GRM7: variants seen among roughly 807,000 people sequenced by gnomAD.
GRM7 encodes glutamate metabotropic receptor 7, also known as metabotropic glutamate receptor 7.
A neutral mutation model predicts 84.5 loss-of-function variants in GRM7; 35 were observed. That is an observed-to-expected ratio of 0.41 (90% confidence interval 0.32 to 0.55). The LOEUF (loss-of-function observed/expected upper bound fraction) is 0.55. Ranked by LOEUF, GRM7 falls within the 20% of genes least tolerant of loss-of-function variation. GRM7 has a pLI of 0.19. For missense variants in GRM7, 1,003 were observed against 1,194.6 expected (o/e 0.84, Z 2.36); for synonymous variants, 487 against 455.1 (o/e 1.07, Z -0.89).
At chr3:7,588,609 A>T (rs1695629000) in intron 8 of GRM7, among the ~76,000 whole-genome samples, 1 of 152,178 alleles carries the variant, frequency 6.6e-6, no homozygotes, top group Non-Finnish European at 1.5e-5. Flanking sequence ...GGTCACAAAT[A>T]GTCAATAGAG....
intron 4 of GRM7, among the ~76,000 whole-genome samples, chr3:7,381,084 A>G (rs1304994051): frequency 6.6e-6 from 1 of 152,230 alleles, no homozygotes; most frequent in African/African-American, 2.4e-5. Context: ...TCGTCAGTAG[A>G]GGGCTCAAAG....
At chr3:7,717,939 C>T (rs1701821490) in intron 9 of GRM7, among the ~76,000 whole-genome samples, 1 of 152,230 alleles carries the variant, frequency 6.6e-6, no homozygotes, top group African/African-American at 2.4e-5. Flanking sequence ...ATTAAATCTG[C>T]TCAGTTCCTT....
chr3:7,277,263 A>G (rs1699106906), intron 2 of GRM7, among the ~76,000 whole-genome samples: 1 of 152,144 alleles, frequency 6.6e-6, no homozygotes, highest in Admixed American at 6.6e-5. Context: ...AAACCTTTGA[A>G]GAAAATGAAA....
intron 4 of GRM7, among the ~76,000 whole-genome samples, chr3:7,359,252 G>C (rs1693555533): frequency 7.0e-6 from 1 of 142,776 alleles, no homozygotes; most frequent in Non-Finnish European, 1.5e-5. Context: ...GTGTGTGTGT[G>C]TGTTGTGGTT....
At chr3:6,896,365 T>A (rs1392291750) in intron 1 of GRM7, among the ~76,000 whole-genome samples, 4 of 152,210 alleles carry the variant, frequency 2.6e-5, no homozygotes, top group Non-Finnish European at 5.9e-5. Context: ...AAAATAATTT[T>A]TACCTATCAT....
chr3:7,202,271 G>A (rs1382077853), intron 2 of GRM7, among the ~76,000 whole-genome samples: 5 of 151,990 alleles, frequency 3.3e-5, no homozygotes, highest in Non-Finnish European at 5.9e-5. Flanking sequence ...CCTGTTTATT[G>A]CCATTCCTCA....
chr3:7,189,588 T>C (rs1301608404), intron 2 of GRM7, among the ~76,000 whole-genome samples: 1 of 152,132 alleles, frequency 6.6e-6, no homozygotes, highest in Non-Finnish European at 1.5e-5. Flanking sequence ...TAGCAACAGC[T>C]GATTATAGAT....
chr3:7,160,293 A>G (rs1694583640), intron 2 of GRM7, among the ~76,000 whole-genome samples: 1 of 152,140 alleles, frequency 6.6e-6, no homozygotes, highest in South Asian at 2.1e-4. Flanking sequence ...GTGAGCTGGT[A>G]AAGGTTATTG....
intron 1 of GRM7, among the ~76,000 whole-genome samples, chr3:7,035,891 G>A (rs897553926): frequency 6.6e-6 from 1 of 152,182 alleles, no homozygotes; most frequent in Non-Finnish European, 1.5e-5. Flanking sequence ...ACTTAAATTG[G>A]TATTTTATCT....
chr3:7,579,261 C>T lies in GRM7; in HGVS notation c.2355C>T (p.Asn785=), dbSNP rs755076568. The change falls in exon 8 of 10, where the codon AAC becomes AAT. Residue 785 remains asparagine, a synonymous_variant. Coordinates refer to ENST00000357716, the MANE Select transcript of GRM7 (RefSeq NM_000844.4). ...CTCGGGGTGTACCCGAGAATTTTAA[C>T]GAAGCCAAGCCCATTGGATTCACTA... ...IKTRGVPENF[N]EAKPIGFTMY... is the part of the protein sequence containing the mutation. 54 of 1,613,654 alleles carry T rather than the reference C, an allele frequency of 3.3e-5. 1 individual carries two copies. The East Asian group carries it at 4.7e-4, about 14-fold the overall frequency.
chr3:6,963,094 C>G (rs1693364168), intron 1 of GRM7, among the ~76,000 whole-genome samples: 1 of 152,154 alleles, frequency 6.6e-6, no homozygotes, highest in African/African-American at 2.4e-5. Flanking sequence ...CCTTGGTGGT[C>G]TATGGTAACC....
At chr3:7,707,064 A>G (rs529820222) in intron 9 of GRM7, among the ~76,000 whole-genome samples, 1 of 152,332 alleles carries the variant, frequency 6.6e-6, no homozygotes, top group African/African-American at 2.4e-5. Context: ...TGAGAGTATA[A>G]GCTTATAGAA....
chr3:7,017,708 G>T (rs759114793), intron 1 of GRM7, among the ~76,000 whole-genome samples: 1 of 152,046 alleles, frequency 6.6e-6, no homozygotes, highest in Non-Finnish European at 1.5e-5. Flanking sequence ...TTCATGGTAC[G>T]CAGTGAAGCC....
intron 2 of GRM7, among the ~76,000 whole-genome samples, chr3:7,290,908 C>G (rs998554027): frequency 2.6e-5 from 4 of 152,110 alleles, no homozygotes; most frequent in South Asian, 2.1e-4. Flanking sequence ...GATCAAGAAC[C>G]CTGTATCTTA....
At chr3:7,032,551 T>C (rs1032520620) in intron 1 of GRM7, among the ~76,000 whole-genome samples, 5 of 152,136 alleles carry the variant, frequency 3.3e-5, no homozygotes, top group African/African-American at 1.2e-4. Context: ...CAAGCAAAGA[T>C]AAGTTCCCCT....
chr3:7,041,984 A>G (rs1438412054), intron 1 of GRM7, among the ~76,000 whole-genome samples: 1 of 152,222 alleles, frequency 6.6e-6, no homozygotes, highest in Non-Finnish European at 1.5e-5. Context: ...GAGAGCTATC[A>G]GATAGCTGAG....
At chr3:7,423,985 C>T (rs962916554) in intron 5 of GRM7, among the ~76,000 whole-genome samples, 1 of 152,108 alleles carries the variant, frequency 6.6e-6, no homozygotes, top group South Asian at 2.1e-4. Context: ...ATTCAAGCTG[C>T]CTGCTTCAGT....
intron 4 of GRM7, among the ~76,000 whole-genome samples, chr3:7,316,878 A>G (rs1180634950): frequency 1.3e-5 from 2 of 152,150 alleles, no homozygotes; most frequent in African/African-American, 2.4e-5. Flanking sequence ...TTTAAGTAAC[A>G]CAGAAAATAG....
At chr3:7,289,673 C>T (rs1699550734) in intron 2 of GRM7, among the ~76,000 whole-genome samples, 1 of 152,152 alleles carries the variant, frequency 6.6e-6, no homozygotes, top group Non-Finnish European at 1.5e-5. Flanking sequence ...GAATACTATG[C>T]AGCCATCAAA....
Sources: gnomAD v4.1 joint callset for allele counts (sites outside exome capture counted in the v4.1 genomes callset) on GRCh38, gnomAD v4.1.1 for gene constraint, MANE v1.5 for transcripts, NCBI Gene and HGNC (gene_info 2026-07-23, HGNC 2026-07-21) for gene names.